CHCHD3: variants seen among roughly 807,000 people sequenced by gnomAD.
CHCHD3 encodes MICOS complex subunit MIC19.
CHCHD3 carries 20 observed loss-of-function variants against 38.2 expected under a neutral mutation model. That is an observed-to-expected ratio of 0.52 (90% CI 0.37 to 0.76). The LOEUF (loss-of-function observed/expected upper bound fraction) is 0.76. Among genes scored for constraint, CHCHD3 ranks in the 30% least tolerant of loss-of-function variants. CHCHD3 has a pLI of 0.00. For missense variants in CHCHD3, 245 were observed against 279.2 expected (o/e 0.88, Z 0.87); for synonymous variants, 82 against 100.0 (o/e 0.82, Z 1.07).
intron 4 of CHCHD3, among the ~76,000 whole-genome samples, chr7:132,914,602 T>C (rs1180328425): frequency 1.3e-5 from 2 of 152,132 alleles, no homozygotes; most frequent in Non-Finnish European, 2.9e-5. Flanking sequence ...CAAAGAAATA[T>C]AAAAACACTT....
intron 4 of CHCHD3, among the ~76,000 whole-genome samples, chr7:132,954,651 C>T (rs765412008): frequency 1.3e-5 from 2 of 152,152 alleles, no homozygotes; most frequent in Non-Finnish European, 2.9e-5. Context: ...GGGGAGCCCA[C>T]AGCAGCAGGC....
intron 3 of CHCHD3, among the ~76,000 whole-genome samples, chr7:132,993,398 G>A (rs1347455168): frequency 1.3e-5 from 2 of 152,146 alleles, no homozygotes; most frequent in South Asian, 4.1e-4. Context: ...TTAAAATTGA[G>A]GGTGTATTAA....
intron 2 of CHCHD3, among the ~76,000 whole-genome samples, chr7:133,038,814 G>A (rs1813750976): frequency 6.6e-6 from 1 of 152,202 alleles, no homozygotes; most frequent in East Asian, 1.9e-4. Context: ...ATATTGGGGT[G>A]TTCTAGAAAA....
intron 2 of CHCHD3, among the ~76,000 whole-genome samples, chr7:133,057,948 A>C (rs1378171531): frequency 6.6e-6 from 1 of 152,226 alleles, no homozygotes. Context: ...AAAGTTTCTG[A>C]GATGGAATAT....
intron 3 of CHCHD3, among the ~76,000 whole-genome samples, chr7:133,008,580 C>A (rs896229824): frequency 6.6e-6 from 1 of 152,074 alleles, no homozygotes; most frequent in Non-Finnish European, 1.5e-5. Context: ...GAATATGTTA[C>A]ATACATACAT....
chr7:132,804,292 CAG>C (rs1486093378), intron 6 of CHCHD3, among the ~76,000 whole-genome samples: 6 of 152,308 alleles, frequency 3.9e-5, no homozygotes, highest in African/African-American at 1.4e-4. Flanking sequence ...CTTACAATCA[CAG>C]ACTCTTGCTG....
intron 2 of CHCHD3, among the ~76,000 whole-genome samples, chr7:133,033,716 G>A (rs1269020774): frequency 6.6e-6 from 1 of 152,066 alleles, no homozygotes; most frequent in Non-Finnish European, 1.5e-5. Context: ...GCCTTAAGGT[G>A]CCCAAACATG....
chr7:132,953,216 G>T (rs1025434542), intron 4 of CHCHD3, among the ~76,000 whole-genome samples: 3 of 152,128 alleles, frequency 2.0e-5, no homozygotes, highest in African/African-American at 7.2e-5. Context: ...CCAATGCTGT[G>T]AATTTAATAT....
intron 6 of CHCHD3, among the ~76,000 whole-genome samples, chr7:132,812,400 G>C (rs575833789): frequency 1.1e-4 from 17 of 151,356 alleles, no homozygotes; most frequent in African/African-American, 4.1e-4. Context: ...GTAGAGATGG[G>C]GTTTCACCAT....
At chr7:132,971,837 A>G (rs1326345675) in intron 4 of CHCHD3, among the ~76,000 whole-genome samples, 1 of 152,226 alleles carries the variant, frequency 6.6e-6, no homozygotes, top group East Asian at 1.9e-4. Context: ...AGAGTCCCAC[A>G]TATTAGAATT....
chr7:132,828,695 A>G (rs575106396), intron 6 of CHCHD3, among the ~76,000 whole-genome samples: 85 of 152,320 alleles, frequency 5.6e-4, no homozygotes, highest in African/African-American at 1.7e-3. Flanking sequence ...GTGAATGGGC[A>G]GCTAAATACA....
rs1808244184 is a variant in CHCHD3 at position 132,852,520 on chromosome 7, C to T, written c.454-14051G>A. On this transcript the variant is annotated intron_variant, in intron 5 of 7. Coordinates refer to ENST00000262570, the MANE Select transcript of CHCHD3 (RefSeq NM_017812.4). ...ATTATAGTAATCATAGAAATAACCACAGGACAGAGAAAACAAATTTTAAAG... is the reference window on the plus strand; with the variant it reads ...ATTATAGTAATCATAGAAATAACCATAGGACAGAGAAAACAAATTTTAAAG... 2.6e-5 allele frequency among the ~76,000 whole-genome samples: 4 copies of T among 152,140 alleles called. No homozygotes were observed. The South Asian group carries it at 8.3e-4, about 32-fold the overall frequency.
chr7:132,917,980 AAAGAG>A, intron 4 of CHCHD3, among the ~76,000 whole-genome samples: 1 of 152,186 alleles, frequency 6.6e-6, no homozygotes, highest in East Asian at 1.9e-4. Context: ...TGAGCAAACA[AAAGAG>A]AAAAGATCAG....
intron 2 of CHCHD3, among the ~76,000 whole-genome samples, chr7:133,045,475 C>G (rs1426488069): frequency 1.3e-5 from 2 of 152,086 alleles, no homozygotes; most frequent in Non-Finnish European, 2.9e-5. Context: ...CCAGAAGAAG[C>G]TGAAATATAG....
chr7:133,051,925 G>A (rs1297867723), intron 2 of CHCHD3: 4 of 152,158 alleles, frequency 2.6e-5, no homozygotes, highest in Non-Finnish European at 4.4e-5. Flanking sequence ...AGAGATAACA[G>A]TCCATTCCAC....
intron 2 of CHCHD3, among the ~76,000 whole-genome samples, chr7:133,028,307 T>A (rs1165401132): frequency 6.6e-6 from 1 of 152,188 alleles, no homozygotes; most frequent in Non-Finnish European, 1.5e-5. Context: ...AAACTAGGCT[T>A]CTGTAAAACC....
chr7:133,031,940 A>G (rs1318786428), intron 2 of CHCHD3, among the ~76,000 whole-genome samples: 1 of 152,186 alleles, frequency 6.6e-6, no homozygotes, highest in Non-Finnish European at 1.5e-5. Context: ...TAAAATGAAG[A>G]GCAATTATTG....
intron 3 of CHCHD3, among the ~76,000 whole-genome samples, chr7:133,008,215 G>GA (rs1347472901): frequency 1.3e-5 from 2 of 152,122 alleles, no homozygotes; most frequent in Non-Finnish European, 2.9e-5. Flanking sequence ...GAAATTACAA[G>GA]ATTGAGTGAT....
intron 7 of CHCHD3, among the ~76,000 whole-genome samples, chr7:132,787,043 G>A (rs1321915817): frequency 6.6e-6 from 1 of 152,128 alleles, no homozygotes; most frequent in East Asian, 1.9e-4. Flanking sequence ...AATCCAGGTG[G>A]AGGACTGGGG....
Sources: gnomAD v4.1 joint callset for allele counts (sites outside exome capture counted in the v4.1 genomes callset) on GRCh38, gnomAD v4.1.1 for gene constraint, MANE v1.5 for transcripts, NCBI Gene and HGNC (gene_info 2026-07-23, HGNC 2026-07-21) for gene names.